Variants in TMEM108 observed in about 807,000 individuals in gnomAD.
TMEM108 encodes transmembrane protein 108.
Under a neutral mutation model 35.1 loss-of-function variants are expected in TMEM108, and 12 were observed. That is an observed-to-expected ratio of 0.34 (90% confidence interval 0.22 to 0.55). The LOEUF is 0.55. Among genes scored for constraint, TMEM108 ranks in the 20% least tolerant of loss-of-function variants. The pLI is 0.89. For missense variants in TMEM108, 680 were observed against 753.3 expected (o/e 0.90, Z 1.14); for synonymous variants, 287 against 308.6 (o/e 0.93, Z 0.73).
At chr3:133,317,216 G>C (rs1230118749) in intron 3 of TMEM108, among the ~76,000 whole-genome samples, 1 of 152,108 alleles carries the variant, frequency 6.6e-6, no homozygotes, top group Non-Finnish European at 1.5e-5. Flanking sequence ...AAAGGGATTT[G>C]TATCCCCAAG....
chr3:133,374,144 G>A (rs1261686054), intron 3 of TMEM108, among the ~76,000 whole-genome samples: 5 of 152,174 alleles, frequency 3.3e-5, no homozygotes, highest in Non-Finnish European at 7.3e-5. Context: ...AAGGGATGTA[G>A]GGTGTCACTT....
chr3:133,213,983 G>C (rs1945869884), intron 2 of TMEM108, among the ~76,000 whole-genome samples: 1 of 152,110 alleles, frequency 6.6e-6, no homozygotes, highest in Non-Finnish European at 1.5e-5. Flanking sequence ...GCTATTTGGG[G>C]AATGGCCCAA....
chr3:133,047,377 C>T (rs1018151196), intron 2 of TMEM108, among the ~76,000 whole-genome samples: 2 of 152,172 alleles, frequency 1.3e-5, no homozygotes, highest in Non-Finnish European at 2.9e-5. Flanking sequence ...TAGCACTTGG[C>T]TGGTATGTTG....
intron 2 of TMEM108, among the ~76,000 whole-genome samples, chr3:133,149,736 G>A (rs2107765725): frequency 6.6e-6 from 1 of 152,106 alleles, no homozygotes; most frequent in African/African-American, 2.4e-5. Context: ...ACATACATAA[G>A]GGAATATATA....
intron 3 of TMEM108, among the ~76,000 whole-genome samples, chr3:133,360,079 T>G (rs999161175): frequency 1.3e-5 from 2 of 150,926 alleles, no homozygotes; most frequent in Non-Finnish European, 2.9e-5. Flanking sequence ...ATGTTAGGCT[T>G]GGTGAAAGCC....
chr3:133,091,158 G>A (rs1300673547), intron 2 of TMEM108, among the ~76,000 whole-genome samples: 3 of 152,080 alleles, frequency 2.0e-5, no homozygotes, highest in Non-Finnish European at 4.4e-5. Context: ...ATATTTCCTA[G>A]ATTCTTAGAT....
At position 133,158,486 on chromosome 3, in the gene TMEM108, A is replaced by G. The variant is rs936386360; in HGVS notation, c.-46-70780A>G. Among the ~76,000 whole-genome samples, 8 of 151,488 alleles carry G rather than the reference A, an allele frequency of 5.3e-5. No individual in the cohort carries two copies. In the South Asian group the frequency reaches 1.7e-3, roughly 31 times the overall value. On this transcript the variant is annotated intron_variant, in intron 2 of 5. Coordinates refer to ENST00000321871, the MANE Select transcript of TMEM108 (RefSeq NM_023943.4). ...TGTCTAAAAAAAAAAAAAAAAAAAA[A>G]AAAGAAAAGAAAGAAATTGTTGTGA...
intron 2 of TMEM108, among the ~76,000 whole-genome samples, chr3:133,177,461 A>C (rs1469131718): frequency 3.9e-5 from 6 of 152,224 alleles, no homozygotes; most frequent in Admixed American, 3.3e-4. Flanking sequence ...CAAAAAGCTT[A>C]TCCATCATGA....
chr3:133,066,446 G>A (rs1943608304), intron 2 of TMEM108, among the ~76,000 whole-genome samples: 2 of 151,896 alleles, frequency 1.3e-5, no homozygotes, highest in Non-Finnish European at 2.9e-5. Context: ...AGAAAAAAAA[G>A]CAAGATAATA....
chr3:133,387,927 A>G, intron 4 of TMEM108: 3 of 985,420 alleles, frequency 3.0e-6, no homozygotes, highest in Non-Finnish European at 3.6e-6. Context: ...AGAGGCACAA[A>G]TATCTTTCTA....
intron 2 of TMEM108, among the ~76,000 whole-genome samples, chr3:133,226,517 G>GT (rs1239104530): frequency 6.6e-6 from 1 of 152,154 alleles, no homozygotes; most frequent in Admixed American, 6.5e-5. Flanking sequence ...AATCTGTTCT[G>GT]TGAGTTCTAA....
At chr3:133,342,413 A>C (rs570182232) in intron 3 of TMEM108, among the ~76,000 whole-genome samples, 1 of 150,690 alleles carries the variant, frequency 6.6e-6, no homozygotes, top group Non-Finnish European at 1.5e-5. Context: ...CAGGATGGAT[A>C]CCTCATTTAC....
chr3:133,161,687 T>C (rs1454844486), intron 2 of TMEM108, among the ~76,000 whole-genome samples: 3 of 150,946 alleles, frequency 2.0e-5, no homozygotes, highest in Non-Finnish European at 4.4e-5. Flanking sequence ...AAAATAACTT[T>C]TACTCATTCC....
chr3:133,233,849 T>G (rs1946192527), intron 3 of TMEM108, among the ~76,000 whole-genome samples: 1 of 151,876 alleles, frequency 6.6e-6, no homozygotes, highest in Non-Finnish European at 1.5e-5. Context: ...TTTTGAGAAG[T>G]GTCTGTTCAT....
At chr3:133,107,683 G>T (rs1471627105) in intron 2 of TMEM108, among the ~76,000 whole-genome samples, 1 of 152,112 alleles carries the variant, frequency 6.6e-6, no homozygotes, top group Admixed American at 6.5e-5. Context: ...GATTCACCAG[G>T]TTACCCAGGA....
At chr3:133,305,974 T>C (rs2071029100) in intron 3 of TMEM108, among the ~76,000 whole-genome samples, 1 of 152,168 alleles carries the variant, frequency 6.6e-6, no homozygotes, top group Non-Finnish European at 1.5e-5. Context: ...GTTCATTATA[T>C]ATATTCTAGA....
chr3:133,280,056 G>A (rs74416300), intron 3 of TMEM108, among the ~76,000 whole-genome samples: 2,169 of 152,242 alleles, frequency 0.014, 63 homozygotes, highest in African/African-American at 0.05. Context: ...CCAAAAGTTA[G>A]TGTCTAGAGC....
At chr3:133,179,521 C>G (rs1168560516) in intron 2 of TMEM108, among the ~76,000 whole-genome samples, 2 of 152,036 alleles carry the variant, frequency 1.3e-5, no homozygotes, top group Admixed American at 1.3e-4. Context: ...ATGGATGAAG[C>G]TGGAAACCAT....
chr3:133,221,660 C>CTTTTTTTTTTTTTT (rs3078806), intron 2 of TMEM108, among the ~76,000 whole-genome samples: 128 of 60,362 alleles, frequency 2.1e-3, no homozygotes, highest in Non-Finnish European at 2.9e-3. Flanking sequence ...ACATTGATTC[C>CTTTTTTTTTTTTTT]TTTTTTTTTT....
Sources: allele counts gnomAD v4.1 joint callset (sites outside exome capture counted in the v4.1 genomes callset), GRCh38; gene constraint gnomAD v4.1.1; transcripts MANE v1.5; gene names NCBI Gene and HGNC (gene_info 2026-07-23, HGNC 2026-07-21).